PDE7B: variants seen among roughly 807,000 people sequenced by gnomAD.
PDE7B encodes the protein phosphodiesterase 7B.
In PDE7B, 29 loss-of-function variants were observed where a neutral mutation model predicts 56.2. That is an observed-to-expected ratio of 0.52 (90% CI 0.38 to 0.70). The LOEUF (loss-of-function observed/expected upper bound fraction) is 0.70, where lower values mean the gene tolerates loss of function less well. Among genes scored for constraint, PDE7B ranks in the 30% least tolerant of loss-of-function variants. The pLI, the probability that PDE7B is intolerant of heterozygous loss-of-function variation, is 0.00. For missense variants in PDE7B, 490 were observed against 565.0 expected, an observed-to-expected ratio of 0.87 and a Z score of 1.35; for synonymous variants, 197 against 196.9, an observed-to-expected ratio of 1.00 and a Z score of 0.00.
chr6:136,021,787 C>T (rs1310269908), intron 2 of PDE7B, among the ~76,000 whole-genome samples: 1 of 152,128 alleles, frequency 6.6e-6, no homozygotes, highest in Non-Finnish European at 1.5e-5. Flanking sequence ...TATGCAATTT[C>T]TTCTCCACAG....
chr6:136,044,563 G>A (rs1260390050), intron 2 of PDE7B: 1 of 152,118 alleles, frequency 6.6e-6, no homozygotes, highest in East Asian at 1.9e-4. Flanking sequence ...ACACAAGAGT[G>A]AAGTTCAGAA....
chr6:135,925,544 T>A (rs998678620), intron 1 of PDE7B, among the ~76,000 whole-genome samples: 3 of 152,146 alleles, frequency 2.0e-5, no homozygotes, highest in African/African-American at 7.2e-5. Context: ...TTTCACTAGA[T>A]GAAATTCAGT....
chr6:135,973,144 TAC>T (rs1775121916), intron 2 of PDE7B, among the ~76,000 whole-genome samples: 1 of 151,054 alleles, frequency 6.6e-6, no homozygotes, highest in Non-Finnish European at 1.5e-5. Context: ...CCCTTCCCCG[TAC>T]ACCATGGAAA....
intron 2 of PDE7B, among the ~76,000 whole-genome samples, chr6:136,043,659 G>T (rs1473349667): frequency 2.7e-5 from 4 of 150,266 alleles, no homozygotes. Context: ...ATAATTACTG[G>T]TGTTGGTGTT....
chr6:135,951,254 G>A (rs879625327), intron 2 of PDE7B, among the ~76,000 whole-genome samples: 1 of 152,086 alleles, frequency 6.6e-6, no homozygotes, highest in Non-Finnish European at 1.5e-5. Context: ...TTTCACTCAA[G>A]TTCAAATTGG....
intron 1 of PDE7B, among the ~76,000 whole-genome samples, chr6:135,854,467 G>T (rs927421394): frequency 3.3e-5 from 5 of 152,148 alleles, no homozygotes; most frequent in African/African-American, 1.2e-4. Context: ...TATGGATTCA[G>T]CTCTGTATCC....
At chr6:136,048,572 A>G (rs1412991917) in intron 2 of PDE7B, among the ~76,000 whole-genome samples, 2 of 152,162 alleles carry the variant, frequency 1.3e-5, no homozygotes, top group Non-Finnish European at 2.9e-5. Flanking sequence ...GGATAAGACT[A>G]GAAAGATAGG....
intron 2 of PDE7B, among the ~76,000 whole-genome samples, chr6:136,005,853 G>A (rs534214690): frequency 6.6e-6 from 1 of 152,236 alleles, no homozygotes; most frequent in East Asian, 1.9e-4. Flanking sequence ...TCCCATTACT[G>A]AGTATATACC....
chr6:136,112,930 G>A (rs1038022412), intron 3 of PDE7B, among the ~76,000 whole-genome samples: 7 of 152,108 alleles, frequency 4.6e-5, no homozygotes, highest in Non-Finnish European at 1.0e-4. Context: ...TTGTTCAGGA[G>A]TATTTATTAA....
intron 1 of PDE7B, among the ~76,000 whole-genome samples, chr6:135,932,176 G>A (rs1039466312): frequency 1.3e-5 from 2 of 152,092 alleles, no homozygotes; most frequent in East Asian, 1.9e-4. Flanking sequence ...TCAGGAAAGT[G>A]TCATAAAAGA....
At chr6:135,937,423 C>CA (rs1446760321) in intron 1 of PDE7B, among the ~76,000 whole-genome samples, 5 of 152,140 alleles carry the variant, frequency 3.3e-5, no homozygotes, top group African/African-American at 1.2e-4. Flanking sequence ...ATCTGAATCC[C>CA]ATTCCCTTCT....
intron 2 of PDE7B, among the ~76,000 whole-genome samples, chr6:135,982,312 T>TTC (rs1254817113): frequency 6.6e-6 from 1 of 152,196 alleles, no homozygotes; most frequent in Non-Finnish European, 1.5e-5. Context: ...AAGAGCCTGT[T>TTC]TCTGCTTCTC....
intron 1 of PDE7B, among the ~76,000 whole-genome samples, chr6:135,935,152 A>T (rs10872454): frequency 6.4e-5 from 6 of 93,756 alleles, no homozygotes; most frequent in African/African-American, 2.7e-4. Flanking sequence ...TATATAAATA[A>T]ATATATGAGA....
chr6:136,152,236 A>G (rs1403658393), intron 6 of PDE7B, among the ~76,000 whole-genome samples: 5 of 152,204 alleles, frequency 3.3e-5, no homozygotes, highest in Admixed American at 3.3e-4. Context: ...TTTTCAAAGA[A>G]GATACTGGTC....
intron 1 of PDE7B, among the ~76,000 whole-genome samples, chr6:135,877,261 TA>T (rs1471898839): frequency 1.3e-5 from 2 of 152,056 alleles, no homozygotes; most frequent in Non-Finnish European, 2.9e-5. Flanking sequence ...TTTTATTTTT[TA>T]TTTTTATTAT....
chr6:135,932,165 A>G (rs1186319204), intron 1 of PDE7B, among the ~76,000 whole-genome samples: 1 of 152,202 alleles, frequency 6.6e-6, no homozygotes, highest in African/African-American at 2.4e-5. Flanking sequence ...CTCAAAAACA[A>G]TCAGGAAAGT....
At chr6:135,989,602 G>A (rs1037091470) in intron 2 of PDE7B, among the ~76,000 whole-genome samples, 5 of 151,846 alleles carry the variant, frequency 3.3e-5, no homozygotes, top group African/African-American at 7.3e-5. Flanking sequence ...CAACAAGAGC[G>A]AAACTCTGTC....
chr6:135,908,570 C>T (rs1165774689), intron 1 of PDE7B, among the ~76,000 whole-genome samples: 1 of 151,948 alleles, frequency 6.6e-6, no homozygotes, highest in Non-Finnish European at 1.5e-5. Context: ...ACACTGGAAG[C>T]AACTGAAATG....
chr6:136,021,249 T>A (rs904974634), intron 2 of PDE7B, among the ~76,000 whole-genome samples: 1 of 152,226 alleles, frequency 6.6e-6, no homozygotes, highest in Non-Finnish European at 1.5e-5. Context: ...TGATTAAATA[T>A]ATCTAAGTAT....
Sources: gnomAD v4.1 joint callset for allele counts (sites outside exome capture counted in the v4.1 genomes callset) on GRCh38, gnomAD v4.1.1 for gene constraint, MANE v1.5 for transcripts, NCBI Gene and HGNC (gene_info 2026-07-23, HGNC 2026-07-21) for gene names.